PIK3R5: variants seen among roughly 807,000 people sequenced by gnomAD.
The protein encoded by PIK3R5 is phosphoinositide 3-kinase regulatory subunit 5.
A neutral mutation model predicts 94.9 loss-of-function variants in PIK3R5; 32 were observed. The observed-to-expected ratio is 0.34, with a 90% CI of 0.25 to 0.45. The LOEUF (loss-of-function observed/expected upper bound fraction) is 0.45, where lower values mean the gene tolerates loss of function less well. Among genes scored for constraint, PIK3R5 ranks in the 20% least tolerant of loss-of-function variants. The probability of loss-of-function intolerance (pLI) is 1.00; values close to 1 mark genes in which losing one functional copy is unlikely to be tolerated. For synonymous variants in PIK3R5, 443 were observed against 479.4 expected (o/e 0.92, Z 0.99); for missense variants, 853 against 1,144.6 (o/e 0.75, Z 3.68).
intron 1 of PIK3R5, among the ~76,000 whole-genome samples, chr17:8,913,904 G>A (rs2090580260): frequency 6.6e-6 from 1 of 152,158 alleles, no homozygotes; most frequent in Non-Finnish European, 1.5e-5. Context: ...GCCAGACCGG[G>A]CAGACCCCTC....
chr17:8,923,931 G>A (rs1261861768), intron 1 of PIK3R5, among the ~76,000 whole-genome samples: 1 of 113,390 alleles, frequency 8.8e-6, no homozygotes, highest in Non-Finnish European at 1.7e-5. Flanking sequence ...TCAAGACAGG[G>A]TCTTGCTCTG....
In PIK3R5 at chr17:8,908,115, T is replaced by C. The variant is rs111262664; in HGVS notation, c.204+959A>G. Among the ~76,000 whole-genome samples, 821 of 152,298 alleles carry C rather than the reference T, an allele frequency of 5.4e-3. 7 individuals are homozygous for C. The highest frequency in any genetic ancestry group is 0.019 in the African/African-American group (786 of 41,554). ...TGCACACATGTGCACACCACATGAT[T>C]TAGAATTCATTGGTCAGAAGGTTTC... On this transcript the variant is annotated intron_variant, in intron 3 of 18. Transcript: ENST00000447110.
Position 8,881,651 on chromosome 17 carries a change from T to C in PIK3R5, c.2361A>G (p.Lys787=), listed in dbSNP as rs140727165. The part of the protein sequence containing the change: ...LTEVVKRQNS[K]SKKGFNQIST... The stretch of plus-strand genomic sequence containing the variant: ...GTACCTGGTTAAAGCCCTTCTTGGA[T>C]TTGGAGTTCTGCCTTTTCACCACTT... Residue 787 remains lysine, a synonymous_variant, in exon 17 of 19, where the codon AAA becomes AAG. Coordinates refer to ENST00000447110, the MANE Select transcript of PIK3R5 (RefSeq NM_001142633.3). This position sits in a 1 kb window ranked among gnomAD's most constrained non-coding sequence, Gnocchi z 4.8. The C allele has an allele frequency of 1.9e-4, 312 of 1,613,394 alleles. 3 individuals are homozygous for C. In the African/African-American group the frequency reaches 3.3e-3, roughly 17 times the overall value.
Position 8,890,214 on chromosome 17 carries a change from G to A in PIK3R5, c.658-88C>T, listed in dbSNP as rs759707516. 31 of 1,387,736 alleles carry A rather than the reference G, an allele frequency of 2.2e-5. No homozygotes were observed. The Middle Eastern group carries it at 7.0e-4, about 32-fold the overall frequency. 86.0% of individuals were successfully genotyped at this position (1,387,736 alleles called of 1,614,324 possible). ...AGTTGCTAGCTTCTTACTGAGGGAG[G>A]CAGTGATCTGTCCCCTCCCAGCCTC... On this transcript the variant is annotated intron_variant, in intron 7 of 18. Coordinates refer to ENST00000447110, the MANE Select transcript of PIK3R5 (RefSeq NM_001142633.3). The surrounding 1 kb of genome is among the most constrained non-coding windows in gnomAD (Gnocchi z 6.1).
intron 1 of PIK3R5, among the ~76,000 whole-genome samples, chr17:8,922,317 G>A (rs1304529599): frequency 1.3e-5 from 2 of 151,884 alleles, no homozygotes; most frequent in South Asian, 4.2e-4. Context: ...CCATTGTCTT[G>A]GGAATTAACA....
chr17:8,952,712 T>G (rs1261889322), intron 1 of PIK3R5, among the ~76,000 whole-genome samples: 2 of 152,268 alleles, frequency 1.3e-5, no homozygotes, highest in African/African-American at 4.8e-5. Flanking sequence ...ACAAAATTTT[T>G]TCTCCTTAAA....
intron 2 of PIK3R5, among the ~76,000 whole-genome samples, chr17:8,910,087 G>A (rs1450048128): frequency 2.6e-5 from 4 of 152,232 alleles, no homozygotes; most frequent in Non-Finnish European, 5.9e-5. Context: ...CAGTCAGCAA[G>A]GGTAAACCCC....
chr17:8,911,754 A>C lies in PIK3R5; in HGVS notation c.-13-247T>G. On this transcript the variant is annotated intron_variant, in intron 1 of 18. Coordinates refer to ENST00000447110, the MANE Select transcript of PIK3R5 (RefSeq NM_001142633.3). This position sits in a 1 kb window ranked among gnomAD's most constrained non-coding sequence, Gnocchi z 5.3. ...GAACGGGACAGAGGTGTGGGAAGTA[A>C]GGGGTCAGGAATGGGAGCAGAGAGG... 2.5e-6 allele frequency: 1 copy of C among 401,868 alleles called. No individual in the cohort carries two copies. The allele number at this position is 401,868 out of a possible 1,614,324, so 24.9% of individuals were successfully genotyped here.
chr17:8,919,364 C>G (rs745349305), intron 1 of PIK3R5, among the ~76,000 whole-genome samples: 37 of 152,260 alleles, frequency 2.4e-4, no homozygotes, highest in Non-Finnish European at 3.7e-4. Context: ...AGGCAGTTAT[C>G]AAATGATTCC....
chr17:8,917,829 G>A (rs2090660331), intron 1 of PIK3R5, among the ~76,000 whole-genome samples: 1 of 151,972 alleles, frequency 6.6e-6, no homozygotes, highest in Non-Finnish European at 1.5e-5. Context: ...TTGTGCCACT[G>A]CACTCCAGCC....
chr17:8,929,826 G>A (rs910277700), intron 1 of PIK3R5, among the ~76,000 whole-genome samples: 1 of 151,996 alleles, frequency 6.6e-6, no homozygotes, highest in Non-Finnish European at 1.5e-5. Flanking sequence ...AGACATGGAA[G>A]GGGGTGAGGG....
intron 5 of PIK3R5, among the ~76,000 whole-genome samples, chr17:8,903,310 A>G (rs1363001341): frequency 6.6e-6 from 1 of 151,664 alleles, no homozygotes; most frequent in Non-Finnish European, 1.5e-5. Flanking sequence ...TTCTTCCATT[A>G]TCTATCTATT....
intron 1 of PIK3R5, among the ~76,000 whole-genome samples, chr17:8,917,362 G>A (rs1218939423): frequency 6.6e-6 from 1 of 152,082 alleles, no homozygotes; most frequent in Non-Finnish European, 1.5e-5. Flanking sequence ...ACCAAAAGTG[G>A]GAGACAAGCA....
At position 8,911,461 on chromosome 17, in the gene PIK3R5, G is replaced by A. The variant is rs1467514002; in HGVS notation, c.34C>T (p.Arg12Cys). The A allele has an allele frequency of 1.3e-6, 2 of 1,599,780 alleles. No individual in the cohort carries two copies. The highest frequency in any genetic ancestry group is 2.2e-5 in the East Asian group (1 of 44,878). Residue 12 changes from arginine (R) to cysteine (C), a missense_variant, in exon 2 of 19, where the codon CGC becomes TGC. Transcript: ENST00000447110. The surrounding 1 kb of genome is among the most constrained non-coding windows in gnomAD (Gnocchi z 5.3). ...CAGCGTTCCAGGGCATGCTGGATGC[G>A]GTCCTCCGTGCATGTCGTGGCCCCT... ...QPGATTCTED[R>C]IQHALERCLH...
Position 8,888,319 on chromosome 17 carries a change from T to C in PIK3R5, c.1468A>G (p.Ser490Gly), listed in dbSNP as rs1177801367. Residue 490 changes from serine (S) to glycine (G), a missense_variant, in exon 10 of 19, where the codon AGC becomes GGC. Around this residue, in one of 6 missense-constraint regions of PIK3R5, gnomAD observed 319 missense variants for 339.8 expected, o/e 0.94. Coordinates refer to ENST00000447110, the MANE Select transcript of PIK3R5 (RefSeq NM_001142633.3). This position sits in a 1 kb window ranked among gnomAD's most constrained non-coding sequence, Gnocchi z 7.8. ...CGTGAAGCAGGGGCCAGAAGCCAGC[T>C]GGGCAGCTGGGTACCGAGTTTGGGC... ...PQPKLGTQLPSWLLAPASRPQ... is the reference protein window; with the variant it reads ...PQPKLGTQLPGWLLAPASRPQ... The C allele has an allele frequency of 5.0e-6, 8 of 1,612,548 alleles. No individual in the cohort carries two copies. Among genetic ancestry groups the C allele is most frequent in the Non-Finnish European group, 5.1e-6 (6 of 1,179,694 alleles).
In PIK3R5 at chr17:8,889,160, T is replaced by C. The variant is rs760492046; in HGVS notation, c.874A>G (p.Ser292Gly). 3.7e-6 allele frequency: 6 copies of C among 1,614,050 alleles called. No homozygotes were observed. In the South Asian group the frequency reaches 6.6e-5, roughly 18 times the overall value. ...TTACCAAAGCTGTCCTGGCTCCAGCTGTAGGTGTAGCACCTGGCGACAGGG... is the reference window on the plus strand; with the variant it reads ...TTACCAAAGCTGTCCTGGCTCCAGCCGTAGGTGTAGCACCTGGCGACAGGG... ...PIPVARCYTY[S>G]WSQDSFDILQ... Residue 292 changes from serine (S) to glycine (G), a missense_variant, in exon 9 of 19, where the codon AGC becomes GGC. Physicochemically the swap from Ser to Gly is moderately conservative, Grantham distance 56 (BLOSUM62 0). Coordinates refer to ENST00000447110, the MANE Select transcript of PIK3R5 (RefSeq NM_001142633.3). This position sits in a 1 kb window ranked among gnomAD's most constrained non-coding sequence, Gnocchi z 4.1.
intron 3 of PIK3R5, among the ~76,000 whole-genome samples, chr17:8,908,224 C>T (rs1184398943): frequency 6.6e-6 from 1 of 152,132 alleles, no homozygotes; most frequent in Non-Finnish European, 1.5e-5. Context: ...CCAGTAGGCT[C>T]AAATTTAGAA....
Position 8,900,339 on chromosome 17 carries a change from A to G in PIK3R5, c.412+4438T>C, listed in dbSNP as rs546501449. Among the ~76,000 whole-genome samples the G allele has an allele frequency of 3.3e-5, 5 of 152,304 alleles. 1 individual carries two copies. The East Asian group carries it at 5.8e-4, about 18-fold the overall frequency. On this transcript the variant is annotated intron_variant, in intron 5 of 18. Transcript: ENST00000447110. ...GATCCTCCTTTAAGCCAGCTCTATC[A>G]TCGTGCTGGTTTCCTCATTAATGAG...
chr17:8,883,736 T>C (rs2089739405), intron 15 of PIK3R5, among the ~76,000 whole-genome samples: 4 of 152,236 alleles, frequency 2.6e-5, no homozygotes, highest in Admixed American at 6.5e-5. Context: ...TGTGTCACAG[T>C]TGTAATTTTA....
Sources: allele counts gnomAD v4.1 joint callset (sites outside exome capture counted in the v4.1 genomes callset), GRCh38; gene constraint gnomAD v4.1.1; regional missense constraint gnomAD v4.1.1; non-coding constraint Gnocchi (gnomAD v3.1); transcripts MANE v1.5; gene names NCBI Gene and HGNC (gene_info 2026-07-23, HGNC 2026-07-21).